Variants in PTPRK observed in about 807,000 individuals in gnomAD.
PTPRK encodes receptor-type tyrosine-protein phosphatase kappa.
In PTPRK, 75 loss-of-function variants were observed where a neutral mutation model predicts 178.0. That is an observed-to-expected ratio of 0.42 (90% CI 0.35 to 0.51). The LOEUF is 0.51. Among genes scored for constraint, PTPRK ranks in the 20% least tolerant of loss-of-function variants. PTPRK has a pLI of 0.02. For synonymous variants in PTPRK, 637 were observed against 620.6 expected (o/e 1.03, Z -0.39); for missense variants, 1,441 against 1,797.8 (o/e 0.80, Z 3.59).
chr6:128,226,412 T>C (rs1811300884), intron 5 of PTPRK, among the ~76,000 whole-genome samples: 1 of 152,180 alleles, frequency 6.6e-6, no homozygotes, highest in African/African-American at 2.4e-5. Context: ...CTCCAGTTAT[T>C]TCATTAAATA....
intron 5 of PTPRK, among the ~76,000 whole-genome samples, chr6:128,234,748 T>C (rs1812919471): frequency 6.6e-6 from 1 of 152,234 alleles, no homozygotes; most frequent in African/African-American, 2.4e-5. Flanking sequence ...AGGTTTTTTC[T>C]AATTATCAGT....
chr6:128,182,776 T>C (rs918644681), intron 7 of PTPRK, among the ~76,000 whole-genome samples: 6 of 152,128 alleles, frequency 3.9e-5, no homozygotes, highest in Non-Finnish European at 7.3e-5. Context: ...CAAAACACAA[T>C]ATTATTTACA....
chr6:128,174,700 G>A (rs1245048018), intron 7 of PTPRK, among the ~76,000 whole-genome samples: 2 of 151,840 alleles, frequency 1.3e-5, no homozygotes, highest in African/African-American at 4.8e-5. Flanking sequence ...TATAGATGAA[G>A]AAGTGAAACA....
chr6:128,413,933 T>G (rs192939261), intron 1 of PTPRK, among the ~76,000 whole-genome samples: 52 of 152,004 alleles, frequency 3.4e-4, no homozygotes, highest in Non-Finnish European at 6.9e-4. Context: ...ATAACCCTAT[T>G]AAAAAAAGAC....
At chr6:128,457,727 A>C (rs768364259) in intron 1 of PTPRK, among the ~76,000 whole-genome samples, 4 of 152,166 alleles carry the variant, frequency 2.6e-5, no homozygotes, top group Admixed American at 1.3e-4. Flanking sequence ...TTTCCTAAAA[A>C]TGACAAGAGT....
At chr6:128,393,089 C>CTTT (rs755172831) in intron 2 of PTPRK, among the ~76,000 whole-genome samples, 1 of 124,896 alleles carries the variant, frequency 8.0e-6, no homozygotes, top group Non-Finnish European at 1.7e-5. Context: ...TTCATAAGGA[C>CTTT]TTTTTTTTTT....
At chr6:128,500,363 T>TGG (rs36030938) in intron 1 of PTPRK, among the ~76,000 whole-genome samples, 17 of 150,618 alleles carry the variant, frequency 1.1e-4, no homozygotes, top group African/African-American at 3.4e-4. Flanking sequence ...ACTGAAAATT[T>TGG]GGGGGGGGGA....
chr6:127,999,890 G>GT, intron 15 of PTPRK: 1 of 816,464 alleles, frequency 1.2e-6, no homozygotes, highest in Non-Finnish European at 1.5e-6. Flanking sequence ...ACAATTAAGC[G>GT]TAAGTCCCTT....
intron 16 of PTPRK, among the ~76,000 whole-genome samples, chr6:127,997,228 C>A (rs183281618): frequency 6.6e-6 from 1 of 151,916 alleles, no homozygotes; most frequent in Non-Finnish European, 1.5e-5. Flanking sequence ...AAAAAATGGA[C>A]CTTGAAAGTA....
chr6:128,515,869 A>C (rs1455762463), intron 1 of PTPRK, among the ~76,000 whole-genome samples: 1 of 152,206 alleles, frequency 6.6e-6, no homozygotes, highest in Admixed American at 6.6e-5. Context: ...CATGATGTTC[A>C]CTGTCTTTAA....
At position 128,179,996 on chromosome 6, in the gene PTPRK, A is replaced by G. The variant is rs534967805; in HGVS notation, c.1162+4436T>C. 2.7e-4 allele frequency among the ~76,000 whole-genome samples: 41 copies of G among 152,154 alleles called. 1 individual carries two copies. The highest frequency in any genetic ancestry group is 9.6e-4 in the African/African-American group (40 of 41,552). On this transcript the variant is annotated intron_variant, in intron 7 of 29. Transcript: ENST00000368226. ...AAATTGCCAAGAGCATTGAACTTCA[A>G]TATAAGAGTAGAGAGTAGTTTTCCC...
rs772237897 is a variant in PTPRK, at chr6:128,241,261, A to C, written c.578-1111T>G. The C allele has an allele frequency of 1.7e-5, 9 of 533,324 alleles. No homozygotes were observed. In the African/African-American group the frequency reaches 1.7e-4, roughly 10 times the overall value. 33.0% of individuals were successfully genotyped at this position (533,324 alleles called of 1,614,324 possible). On this transcript the variant is annotated intron_variant, in intron 4 of 29. Coordinates refer to ENST00000368226, the MANE Select transcript of PTPRK (RefSeq NM_002844.4). ...ATTTAAAATAAGGAATTCTTGAGTT[A>C]GAACATGAACTAAAGCAGCAGTTCT...
rs1785245990 is a variant in PTPRK at position 128,083,763 on chromosome 6, CAAG to C, written c.1524_1526del (p.Phe508del). 6.2e-7 allele frequency: 1 copy of C among 1,606,562 alleles called. No individual in the cohort carries two copies. The highest frequency in any genetic ancestry group is 1.1e-5 in the South Asian group (1 of 90,364). On this transcript the variant is annotated inframe_deletion, in exon 9 of 30. Coordinates refer to ENST00000368226, the MANE Select transcript of PTPRK (RefSeq NM_002844.4). ...TTGGATCCAAAGGTTCTTTCCAGTT[CAAG>C]AAGATCTTATTTTCAAAGGATGTTC...
chr6:128,098,451 A>G (rs1316145160), intron 7 of PTPRK, among the ~76,000 whole-genome samples: 1 of 152,120 alleles, frequency 6.6e-6, no homozygotes, highest in African/African-American at 2.4e-5. Flanking sequence ...AGAATATGAG[A>G]TACATGTGGA....
At chr6:128,445,563 G>A (rs1257690022) in intron 1 of PTPRK, among the ~76,000 whole-genome samples, 2 of 151,124 alleles carry the variant, frequency 1.3e-5, no homozygotes, top group African/African-American at 2.4e-5. Context: ...ATGAAAGGAT[G>A]AGAATAAAAA....
intron 1 of PTPRK, among the ~76,000 whole-genome samples, chr6:128,457,439 G>C (rs979595185): frequency 6.6e-6 from 1 of 152,110 alleles, no homozygotes; most frequent in African/African-American, 2.4e-5. Context: ...AAGTTGAAGA[G>C]ACAGACAGAC....
intron 29 of PTPRK, 68 bp downstream of exon 29, chr6:127,972,954 A>C: frequency 6.6e-7 from 1 of 1,505,226 alleles, no homozygotes; most frequent in Non-Finnish European, 9.2e-7. Flanking sequence ...ATGAAGTCAA[A>C]TCAATAAGTA....
At chr6:128,307,152 G>GA (rs199552590) in intron 3 of PTPRK, among the ~76,000 whole-genome samples, 5,873 of 117,660 alleles carry the variant, frequency 0.05, 387 homozygotes, top group African/African-American at 0.18. Context: ...GAGCTCAGAA[G>GA]AAAAAAAAAT....
chr6:128,160,816 T>C (rs956087011), intron 7 of PTPRK, among the ~76,000 whole-genome samples: 1 of 151,522 alleles, frequency 6.6e-6, no homozygotes, highest in Non-Finnish European at 1.5e-5. Context: ...AGGCTAATCT[T>C]CCAAAGCCTA....
Sources: gnomAD v4.1 joint callset for allele counts (sites outside exome capture counted in the v4.1 genomes callset) on GRCh38, gnomAD v4.1.1 for gene constraint, MANE v1.5 for transcripts, NCBI Gene and HGNC (gene_info 2026-07-23, HGNC 2026-07-21) for gene names.